The following MREG variants were observed in gnomAD, a reference collection of about 807,000 sequenced individuals.
MREG encodes the protein dilute suppressor protein homolog.
A neutral mutation model predicts 28.5 loss-of-function variants in MREG; 31 were observed. The observed-to-expected ratio is 1.09, with a 90% CI of 0.82 to 1.47. The LOEUF (loss-of-function observed/expected upper bound fraction) is 1.47, where lower values mean the gene tolerates loss of function less well. MREG is among the 40% of genes most tolerant of loss of function. The pLI, the probability that MREG is intolerant of heterozygous loss-of-function variation, is 0.00. For missense variants in MREG, 256 were observed against 257.4 expected, an observed-to-expected ratio of 0.99 and a Z score of 0.04; for synonymous variants, 106 against 95.2, an observed-to-expected ratio of 1.11 and a Z score of -0.66.
At chr2:216,024,455 A>C (rs555808771) in intron 1 of MREG, among the ~76,000 whole-genome samples, 1 of 152,172 alleles carries the variant, frequency 6.6e-6, no homozygotes, top group East Asian at 1.9e-4. Flanking sequence ...GTCTCAAAAA[A>C]AAAAAAGGAC....
chr2:215,975,026 A>ATATATATATATATATATATGTG (rs1268461887), intron 2 of MREG, among the ~76,000 whole-genome samples: 1 of 145,688 alleles, frequency 6.9e-6, no homozygotes, highest in African/African-American at 2.5e-5. Flanking sequence ...ATATATATAT[A>ATATATATATATATATATATGTG]TGAAATAATA....
chr2:215,959,444 A>G (rs1692720816), intron 2 of MREG, among the ~76,000 whole-genome samples: 1 of 151,944 alleles, frequency 6.6e-6, no homozygotes, highest in African/African-American at 2.4e-5. Flanking sequence ...CAGCTTGTTG[A>G]TTTTCCCTCT....
At chr2:215,984,518 C>CAAAAAAAAAAAAAAAAAA (rs375220091) in intron 2 of MREG, among the ~76,000 whole-genome samples, 4 of 68,040 alleles carry the variant, frequency 5.9e-5, no homozygotes, top group Admixed American at 1.8e-4. Flanking sequence ...ACCTTGTCAC[C>CAAAAAAAAAAAAAAAAAA]AAAAAAAAAA....
At chr2:216,015,123 G>GTGTGCGCGCGTGCGTGTGCGCGCA (rs1553556735), upstream of MREG, among the ~76,000 whole-genome samples, 5 of 147,524 alleles carry the variant, frequency 3.4e-5, no homozygotes, top group Non-Finnish European at 6.0e-5. Context: ...GTGCACGCGT[G>GTGTGCGCGCGTGCGTGTGCGCGCA]TGTGTGCGCG....
intron 1 of MREG, among the ~76,000 whole-genome samples, chr2:215,998,229 G>A (rs1010524747): frequency 2.0e-5 from 3 of 151,386 alleles, no homozygotes; most frequent in Non-Finnish European, 2.9e-5. Context: ...CGCTTGAACC[G>A]GGGAGGCAGA....
At chr2:215,984,990 T>C (rs2106004767) in intron 2 of MREG, among the ~76,000 whole-genome samples, 1 of 152,336 alleles carries the variant, frequency 6.6e-6, no homozygotes, top group East Asian at 1.9e-4. Context: ...ATACTCATTA[T>C]ATATCTCTGG....
intron 1 of MREG, among the ~76,000 whole-genome samples, chr2:216,007,029 C>T (rs766584229): frequency 6.6e-6 from 1 of 152,204 alleles, no homozygotes; most frequent in African/African-American, 2.4e-5. Context: ...GGGCTCTGCT[C>T]TTTCTATGGC....
At chr2:216,015,526 T>C (rs1694436138), upstream of MREG, among the ~76,000 whole-genome samples, 1 of 152,150 alleles carries the variant, frequency 6.6e-6, no homozygotes, top group African/African-American at 2.4e-5. Flanking sequence ...TTGCTCCACA[T>C]GAGCTGAGAA....
chr2:215,959,780 T>A (rs538647389), intron 2 of MREG, among the ~76,000 whole-genome samples: 1 of 152,322 alleles, frequency 6.6e-6, no homozygotes, highest in South Asian at 2.1e-4. Context: ...TCGACCATGT[T>A]CATTCATGGC....
intron 2 of MREG, among the ~76,000 whole-genome samples, chr2:215,981,623 T>C (rs1574624114): frequency 6.6e-6 from 1 of 152,166 alleles, no homozygotes; most frequent in African/African-American, 2.4e-5. Context: ...ACCACTTAAC[T>C]GAAAAATGAT....
chr2:216,000,791 C>T (rs747450018), intron 1 of MREG, among the ~76,000 whole-genome samples: 3 of 152,168 alleles, frequency 2.0e-5, no homozygotes, highest in African/African-American at 4.8e-5. Flanking sequence ...TCATGGTTAC[C>T]GCCTTTTAAA....
Position 216,010,352 on chromosome 2 carries a change from C to CTATTTTT in MREG, c.95+2880_95+2881insAAAAATA, listed in dbSNP as rs1332869944. Among the ~76,000 whole-genome samples the CTATTTTT allele has an allele frequency of 3.4e-3, 258 of 75,618 alleles. 4 individuals are homozygous for CTATTTTT. Among genetic ancestry groups the CTATTTTT allele is most frequent in the African/African-American group, 0.012 (241 of 20,380 alleles). 49.6% of individuals were successfully genotyped at this position (75,618 alleles called of 152,430 possible). A position where few individuals can be genotyped will look rare whatever the true frequency, so the allele number is the denominator to read the frequency against. The stretch of plus-strand genomic sequence containing the variant: ...TCTAGAACTGTGAAAGAAAAGATTT[C>CTATTTTT]TCTTTTTTTTTTTTTTTTTTTTTGA... On this transcript the variant is annotated intron_variant, in intron 1 of 4. Transcript: ENST00000263268.
intron 1 of MREG, among the ~76,000 whole-genome samples, chr2:216,003,576 G>A (rs1694074878): frequency 6.6e-6 from 1 of 152,120 alleles, no homozygotes; most frequent in Admixed American, 6.5e-5. Flanking sequence ...CCCCAGCTCA[G>A]TACTCTCTCC....
upstream of MREG, among the ~76,000 whole-genome samples, chr2:216,015,414 C>T (rs1467909353): frequency 6.6e-6 from 1 of 151,982 alleles, no homozygotes; most frequent in African/African-American, 2.4e-5. Flanking sequence ...AGAATATGGA[C>T]TCTAGGGGCC....
chr2:216,030,944 TCTCTCTCTCTCTCA>T (rs1430931052), intron 1 of MREG, among the ~76,000 whole-genome samples: 14 of 57,438 alleles, frequency 2.4e-4, no homozygotes, highest in African/African-American at 6.6e-4. Flanking sequence ...TCTCTCTCTC[TCTCTCTCTCTCTCA>T]CACACACACA....
At chr2:215,941,613 CT>C (rs1435224566), downstream of MREG, 1 of 152,198 alleles carries the variant, frequency 6.6e-6, no homozygotes, top group Non-Finnish European at 1.5e-5. Context: ...GAGACCTAGA[CT>C]TTCCTTCAAT....
At chr2:215,940,135 G>A (rs970898046), downstream of MREG, among the ~76,000 whole-genome samples, 4 of 152,172 alleles carry the variant, frequency 2.6e-5, no homozygotes, top group African/African-American at 9.7e-5. Flanking sequence ...CCACAACCCA[G>A]TGTTCTAAAT....
In MREG at chr2:215,997,063, G is replaced by A. The variant is rs1693893716; in HGVS notation, c.96-598C>T. Among the ~76,000 whole-genome samples the A allele has an allele frequency of 5.9e-5, 9 of 152,256 alleles. No individual in the cohort carries two copies. The South Asian group carries it at 1.9e-3, about 32-fold the overall frequency. On this transcript the variant is annotated intron_variant, in intron 1 of 4. Coordinates refer to ENST00000263268, the MANE Select transcript of MREG (RefSeq NM_018000.3). ...CCCGAAGTGCTGGGATTATAGGTGT[G>A]AGCCACCGCGCCCAGCCAGGAATAG...
chr2:215,974,604 GA>G (rs1360549138), intron 2 of MREG, among the ~76,000 whole-genome samples: 1 of 152,026 alleles, frequency 6.6e-6, no homozygotes, highest in Non-Finnish European at 1.5e-5. Context: ...GCACAGTGGT[GA>G]AAAAGGCAAC....
Sources: allele counts gnomAD v4.1 joint callset (sites outside exome capture counted in the v4.1 genomes callset), GRCh38; gene constraint gnomAD v4.1.1; transcripts MANE v1.5; gene names NCBI Gene and HGNC (gene_info 2026-07-23, HGNC 2026-07-21).